Variants in TNR observed in about 807,000 individuals in gnomAD.
TNR encodes tenascin-R.
Under a neutral mutation model 150.4 loss-of-function variants are expected in TNR, and 45 were observed. That is an observed-to-expected ratio of 0.30 (90% CI 0.24 to 0.38). TNR has a LOEUF of 0.38. TNR is among the 10% of genes least tolerant of loss of function. The probability of loss-of-function intolerance (pLI) is 1.00; values close to 1 mark genes in which losing one functional copy is unlikely to be tolerated. For synonymous variants in TNR, 687 were observed against 678.4 expected, an observed-to-expected ratio of 1.01 and a Z score of -0.20; for missense variants, 1,544 against 1,759.1, an observed-to-expected ratio of 0.88 and a Z score of 2.19.
Position 175,320,726 on chromosome 1 carries a change from T to TGTGTG in TNR, c.*2630_*2631insCACAC, listed in dbSNP as rs1184657468. The TGTGTG allele has an allele frequency of 1.7e-5, 1 of 60,480 alleles. No individual in the cohort carries two copies. Among genetic ancestry groups the TGTGTG allele is most frequent in the African/African-American group, 6.1e-5 (1 of 16,278 alleles). The allele number at this position is 60,480 out of a possible 1,614,324, so 3.7% of individuals were successfully genotyped here. On this transcript the variant is annotated 3_prime_UTR_variant, in exon 23 of 23. Coordinates refer to ENST00000367674, the MANE Select transcript of TNR (RefSeq NM_003285.3). ...TGTGTGTGTGTGTGTGTGTGTGTGT[T>TGTGTG]TTACTTATGACTCCTGAATCAATCT...
intron 1 of TNR, among the ~76,000 whole-genome samples, chr1:175,692,397 C>G (rs1666395378): frequency 6.6e-6 from 1 of 152,216 alleles, no homozygotes; most frequent in South Asian, 2.1e-4. Context: ...CACATCCTTC[C>G]AAGATGGACC....
intron 2 of TNR, among the ~76,000 whole-genome samples, chr1:175,445,864 G>A (rs954283738): frequency 3.9e-5 from 6 of 152,178 alleles, no homozygotes; most frequent in Admixed American, 1.3e-4. Flanking sequence ...TTTTCACAGT[G>A]CACATCAGTA....
intron 18 of TNR, among the ~76,000 whole-genome samples, chr1:175,350,855 C>T (rs1326403660): frequency 6.6e-6 from 1 of 152,048 alleles, no homozygotes; most frequent in Non-Finnish European, 1.5e-5. Flanking sequence ...AGGGTTTATC[C>T]GTGGATAAAG....
chr1:175,393,367 T>C (rs1232146150), intron 6 of TNR, among the ~76,000 whole-genome samples: 1 of 152,238 alleles, frequency 6.6e-6, no homozygotes, highest in Non-Finnish European at 1.5e-5. Context: ...GGTGCATCTG[T>C]CTGCACAGAA....
At chr1:175,377,587 T>C (rs1652468421) in intron 9 of TNR, among the ~76,000 whole-genome samples, 1 of 151,678 alleles carries the variant, frequency 6.6e-6, no homozygotes. Flanking sequence ...TTGGTCAGCA[T>C]ATCTTCTCAT....
chr1:175,572,475 T>A (rs1215724699), intron 1 of TNR, among the ~76,000 whole-genome samples: 1 of 152,152 alleles, frequency 6.6e-6, no homozygotes, highest in Admixed American at 6.5e-5. Context: ...CTCTTGATAT[T>A]CCTCTTGATA....
chr1:175,503,450 A>G (rs1192220017), intron 2 of TNR, among the ~76,000 whole-genome samples: 4 of 152,232 alleles, frequency 2.6e-5, no homozygotes, highest in Admixed American at 2.6e-4. Context: ...TGGTAAACAG[A>G]AAAAGAGCTG....
At chr1:175,723,987 C>A (rs534177573) in intron 1 of TNR, among the ~76,000 whole-genome samples, 6 of 152,020 alleles carry the variant, frequency 3.9e-5, no homozygotes, top group Non-Finnish European at 7.4e-5. Context: ...ATATTTTGAG[C>A]AAATTTGAGA....
chr1:175,593,691 C>T (rs991363812), intron 1 of TNR, among the ~76,000 whole-genome samples: 1 of 152,178 alleles, frequency 6.6e-6, no homozygotes, highest in African/African-American at 2.4e-5. Flanking sequence ...CTGTCACTAG[C>T]AGCCCCAGAG....
At chr1:175,474,146 G>A (rs931909030) in intron 2 of TNR, among the ~76,000 whole-genome samples, 1 of 152,136 alleles carries the variant, frequency 6.6e-6, no homozygotes, top group Non-Finnish European at 1.5e-5. Flanking sequence ...TTAGGAGCCA[G>A]GTAAGTGGAC....
At chr1:175,346,051 T>A (rs944359608) in intron 18 of TNR, among the ~76,000 whole-genome samples, 1 of 152,116 alleles carries the variant, frequency 6.6e-6, no homozygotes, top group Non-Finnish European at 1.5e-5. Context: ...GGAACAAATA[T>A]TTTTAGGTAG....
chr1:175,587,244 C>A (rs1019545123), intron 1 of TNR, among the ~76,000 whole-genome samples: 7 of 152,052 alleles, frequency 4.6e-5, no homozygotes, highest in Non-Finnish European at 1.0e-4. Flanking sequence ...TAGGGTAGGT[C>A]CTGATTGTTA....
At chr1:175,356,533 A>G in intron 15 of TNR, 71 bp from the exon 16 acceptor site, 2 of 1,572,522 alleles carry the variant, frequency 1.3e-6, no homozygotes, top group Non-Finnish European at 8.6e-7. Context: ...CCAAATCCAA[A>G]GGTATTTCAC....
intron 2 of TNR, among the ~76,000 whole-genome samples, chr1:175,490,702 T>C (rs529560913): frequency 6.6e-6 from 1 of 152,064 alleles, no homozygotes; most frequent in Admixed American, 6.5e-5. Flanking sequence ...TAGCTATTAT[T>C]AAAAACTAAA....
chr1:175,603,947 T>A (rs1663330280), intron 1 of TNR, among the ~76,000 whole-genome samples: 1 of 152,196 alleles, frequency 6.6e-6, no homozygotes, highest in East Asian at 1.9e-4. Context: ...CCTTTTATTT[T>A]CAGTATTTTA....
intron 4 of TNR, 53 bp from the exon 5 acceptor site, chr1:175,396,860 T>C: frequency 1.3e-6 from 2 of 1,572,830 alleles, no homozygotes. Context: ...GCCTTCCCCA[T>C]CCTGGACTCA....
At chr1:175,548,834 T>C (rs537890522) in intron 1 of TNR, among the ~76,000 whole-genome samples, 44 of 152,336 alleles carry the variant, frequency 2.9e-4, no homozygotes, top group African/African-American at 1.0e-3. Context: ...ATTTATCTGC[T>C]GGAATGCTCA....
chr1:175,418,348 C>A (rs1654597017), intron 2 of TNR, among the ~76,000 whole-genome samples: 1 of 152,154 alleles, frequency 6.6e-6, no homozygotes, highest in Non-Finnish European at 1.5e-5. Context: ...CAAGACTTCT[C>A]TAGAGAAAGA....
Position 175,406,655 on chromosome 1 carries a change from G to A in TNR, c.60C>T (p.Ile20=). 1 of 1,614,204 alleles carries A rather than the reference G, an allele frequency of 6.2e-7. No individual in the cohort carries two copies. The highest frequency in any genetic ancestry group is 8.5e-7 in the Non-Finnish European group (1 of 1,180,050). ...LKNMLIGINL[I]LLGSMIKPSE... ...AAGGCTTGATCATGGAGCCCAGAAG[G>A]ATCAGGTTGATGCCAATGAGCATGT... Residue 20 remains isoleucine, a synonymous_variant, in exon 3 of 23, where the codon ATC becomes ATT. Transcript: ENST00000367674.
Sources: allele counts gnomAD v4.1 joint callset (sites outside exome capture counted in the v4.1 genomes callset), GRCh38; gene constraint gnomAD v4.1.1; transcripts MANE v1.5; gene names NCBI Gene and HGNC (gene_info 2026-07-23, HGNC 2026-07-21).